ARRDC5: variants seen among roughly 807,000 people sequenced by gnomAD.
ARRDC5 encodes the protein arrestin domain-containing protein 5.
ARRDC5 carries 12 observed loss-of-function variants against 13.3 expected under a neutral mutation model. The ratio of observed to expected loss-of-function variants is 0.90; its 90% CI spans 0.58 to 1.46. ARRDC5 has a LOEUF of 1.46. ARRDC5 is among the 40% of genes most tolerant of loss of function. The pLI, the probability that ARRDC5 is intolerant of heterozygous loss-of-function variation, is 0.00. For synonymous variants in ARRDC5, 181 were observed against 173.4 expected (o/e 1.04, Z -0.34); for missense variants, 406 against 418.7 (o/e 0.97, Z 0.26).
At position 4,900,124 on chromosome 19, in the gene ARRDC5, C is replaced by CT. The variant is rs551201408; in HGVS notation, c.253+2448dup. Among the ~76,000 whole-genome samples the CT allele has an allele frequency of 1.0e-3, 141 of 136,446 alleles. 1 individual carries two copies. In the South Asian group the frequency reaches 0.027, roughly 27 times the overall value. 89.5% of individuals were successfully genotyped at this position (136,446 alleles called of 152,430 possible). On this transcript the variant is annotated intron_variant, in intron 1 of 2. Transcript: ENST00000650722. Reference sequence around the variant, plus strand: ...TGAGCCACCGCGCCCGGCCAGCAGTCTTTTTTTTCTGTTTCTTTCTTTTTT... The same window carrying CT: ...TGAGCCACCGCGCCCGGCCAGCAGTCTTTTTTTTTCTGTTTCTTTCTTTTTT...
chr19:4,897,670 C>G (rs953631895), intron 1 of ARRDC5, among the ~76,000 whole-genome samples: 6 of 152,164 alleles, frequency 3.9e-5, no homozygotes, highest in Non-Finnish European at 7.4e-5. Flanking sequence ...GCCCATGCCA[C>G]CATGCCTGGC....
intron 2 of ARRDC5, among the ~76,000 whole-genome samples, chr19:4,891,991 T>C (rs2031529906): frequency 6.6e-6 from 1 of 151,386 alleles, no homozygotes; most frequent in Non-Finnish European, 1.5e-5. Context: ...TTGGGGGCTC[T>C]CCTAGGAAGA....
chr19:4,915,780 A>C, the ARRDC5 span, among the ~76,000 whole-genome samples: 1 of 152,196 alleles, frequency 6.6e-6, no homozygotes, highest in African/African-American at 2.4e-5. Flanking sequence ...CCGTGGACAT[A>C]GTTGGTCAAT....
chr19:4,909,316 C>G, the ARRDC5 span: 2 of 556,424 alleles, frequency 3.6e-6, no homozygotes, highest in Non-Finnish European at 6.3e-6. Context: ...CAGCAGAGCG[C>G]GCAGGGCTGG....
At chr19:4,893,237 G>A (rs2146242369) in intron 2 of ARRDC5, among the ~76,000 whole-genome samples, 1 of 143,238 alleles carries the variant, frequency 7.0e-6, no homozygotes, top group African/African-American at 2.6e-5. Flanking sequence ...CAGGCGCAGT[G>A]GCTCACACCT....
intron 2 of ARRDC5, 112 bp from the exon 3 acceptor site, chr19:4,891,685 G>A (rs1220103330): frequency 9.7e-6 from 9 of 928,332 alleles, no homozygotes; most frequent in South Asian, 5.1e-5. Flanking sequence ...GGCTGGGCAC[G>A]ATAGCTCACG....
chr19:4,907,506 G>C (rs2032088809), upstream of ARRDC5, among the ~76,000 whole-genome samples: 1 of 152,082 alleles, frequency 6.6e-6, no homozygotes, highest in Admixed American at 6.6e-5. Flanking sequence ...CTGACCTCCA[G>C]TTATCTGCCT....
the ARRDC5 span, among the ~76,000 whole-genome samples, chr19:4,916,135 C>A: frequency 2.0e-5 from 3 of 151,978 alleles, no homozygotes. Context: ...TAGCAAGACC[C>A]CGTCTCTACA....
At chr19:4,898,665 C>CTTTTTTTTTTTTTTTTTTT (rs71170878) in intron 1 of ARRDC5, among the ~76,000 whole-genome samples, 1 of 130,584 alleles carries the variant, frequency 7.7e-6, no homozygotes, top group Non-Finnish European at 1.6e-5. Context: ...CGGGCTTGGC[C>CTTTTTTTTTTTTTTTTTTT]TTTTTTTTTT....
intron 1 of ARRDC5, among the ~76,000 whole-genome samples, chr19:4,897,110 C>A (rs1315538643): frequency 6.6e-6 from 1 of 152,132 alleles, no homozygotes; most frequent in Non-Finnish European, 1.5e-5. Flanking sequence ...GCGTGCACCA[C>A]CACACCTGGC....
intron 1 of ARRDC5, among the ~76,000 whole-genome samples, chr19:4,898,498 A>ATAAGGGT (rs1208223221): frequency 3.3e-5 from 5 of 152,038 alleles, no homozygotes; most frequent in Non-Finnish European, 7.4e-5. Flanking sequence ...AGTAGCTGGA[A>ATAAGGGT]TTACAGGTGT....
chr19:4,909,929 G>A, the ARRDC5 span, among the ~76,000 whole-genome samples: 9 of 151,216 alleles, frequency 6.0e-5, no homozygotes, highest in African/African-American at 2.2e-4. Context: ...AGGATGTCAG[G>A]CTCCGCGCCT....
In ARRDC5 at chr19:4,902,675, C is replaced by T. The variant is rs755493046; in HGVS notation, c.151G>A (p.Glu51Lys). ...GATGCCCCGGCTTCTTCACTCCATTCGACGTAACCCCTTCCCACGAGCTCC... is the reference window on the plus strand; with the variant it reads ...GATGCCCCGGCTTCTTCACTCCATTTGACGTAACCCCTTCCCACGAGCTCC... ...KVELVGRGYV[E>K]WSEEAGASCD... The change falls in exon 1 of 3, where the codon GAA becomes AAA. Residue 51 changes from glutamate (E) to lysine (K), a missense_variant. By Grantham distance (56) the Glu-to-Lys change is moderately conservative. Transcript: ENST00000650722. The T allele has an allele frequency of 8.4e-5, 135 of 1,614,004 alleles. No homozygotes were observed. The highest frequency in any genetic ancestry group is 2.7e-4 in the East Asian group (12 of 44,880).
chr19:4,915,454 T>C, the ARRDC5 span, among the ~76,000 whole-genome samples: 1 of 152,196 alleles, frequency 6.6e-6, no homozygotes. Context: ...TGGCTCATGA[T>C]TGTAATCCCG....
At chr19:4,909,996 T>A in the ARRDC5 span, 4 of 181,892 alleles carry the variant, frequency 2.2e-5, no homozygotes, top group South Asian at 1.8e-4. Flanking sequence ...TCGCGCGCCC[T>A]GAGTTCCCCG....
upstream of ARRDC5, among the ~76,000 whole-genome samples, chr19:4,907,484 G>C (rs1028418032): frequency 3.3e-5 from 5 of 152,060 alleles, no homozygotes; most frequent in South Asian, 2.1e-4. Context: ...GACCAGGCTA[G>C]TCTGGCGACT....
At chr19:4,905,451 T>A (rs991804287), upstream of ARRDC5, among the ~76,000 whole-genome samples, 2 of 149,200 alleles carry the variant, frequency 1.3e-5, no homozygotes, top group Non-Finnish European at 3.0e-5. Flanking sequence ...CATTATGAGA[T>A]TTTTTTGCAA....
chr19:4,891,553 A>T lies in ARRDC5; in HGVS notation c.480T>A (p.Ala160=). 8.7e-6 allele frequency: 14 copies of T among 1,612,992 alleles called. No homozygotes were observed. Among genetic ancestry groups the T allele is most frequent in the Non-Finnish European group, 1.2e-5 (14 of 1,179,444 alleles). Reference sequence around the variant, plus strand: ...AGCAGTTGTAGGAGACTTTCTCCTCAGCCTCCACGAACAAGGGGTTCTAGG... The same window carrying T: ...AGCAGTTGTAGGAGACTTTCTCCTCTGCCTCCACGAACAAGGGGTTCTAGG... ...TPFQNPLFVE[A]EEKVSYNCCR... is the part of the protein sequence containing the mutation. Residue 160 remains alanine (A), a synonymous_variant, in exon 3 of 3, where the codon GCT becomes GCA. Coordinates refer to ENST00000650722, the MANE Select transcript of ARRDC5 (RefSeq NM_001080523.3).
upstream of ARRDC5, among the ~76,000 whole-genome samples, chr19:4,906,457 G>A (rs569089485): frequency 5.7e-4 from 87 of 152,216 alleles, no homozygotes; most frequent in Non-Finnish European, 9.3e-4. Flanking sequence ...ACGTGTACAT[G>A]AAGAATGCAT....
Sources: allele counts gnomAD v4.1 joint callset (sites outside exome capture counted in the v4.1 genomes callset), GRCh38; gene constraint gnomAD v4.1.1; transcripts MANE v1.5; gene names NCBI Gene and HGNC (gene_info 2026-07-23, HGNC 2026-07-21).